Variants in CACNA1E observed in about 807,000 individuals in gnomAD.
The protein encoded by CACNA1E is calcium voltage-gated channel subunit alpha1 E, also known as voltage-dependent R-type calcium channel subunit alpha-1E.
A neutral mutation model predicts 259.2 loss-of-function variants in CACNA1E; 40 were observed. The observed-to-expected ratio is 0.15, with a 90% CI of 0.12 to 0.20. The LOEUF (loss-of-function observed/expected upper bound fraction) is 0.20, where lower values mean the gene tolerates loss of function less well. CACNA1E is among the 10% of genes least tolerant of loss of function. CACNA1E has a pLI of 1.00. For synonymous variants in CACNA1E, 1,104 were observed against 1,138.5 expected, an observed-to-expected ratio of 0.97 and a Z score of 0.61; for missense variants, 1,874 against 3,040.1, an observed-to-expected ratio of 0.62 and a Z score of 9.02.
At chr1:181,435,318 T>G (rs190977788) in intron 2 of CACNA1E, among the ~76,000 whole-genome samples, 1 of 152,350 alleles carries the variant, frequency 6.6e-6, no homozygotes, top group Admixed American at 6.5e-5. Flanking sequence ...GAGAATTTCC[T>G]TAGGATAAAT....
intron 1 of CACNA1E, among the ~76,000 whole-genome samples, chr1:181,365,630 T>G: frequency 6.6e-6 from 1 of 152,210 alleles, no homozygotes; most frequent in Non-Finnish European, 1.5e-5. Context: ...AGTGGCTGCC[T>G]TAGACACTGT....
intron 3 of CACNA1E, among the ~76,000 whole-genome samples, chr1:181,534,357 G>A (rs1259707957): frequency 6.6e-6 from 1 of 152,072 alleles, no homozygotes; most frequent in East Asian, 1.9e-4. Flanking sequence ...CTAGCAATAA[G>A]CTTATTTTTG....
chr1:181,572,398 C>T (rs2102943041), intron 3 of CACNA1E, among the ~76,000 whole-genome samples: 1 of 152,268 alleles, frequency 6.6e-6, no homozygotes, highest in East Asian at 1.9e-4. Context: ...TTTGCTGACA[C>T]CTAAAAGTAA....
intron 1 of CACNA1E, among the ~76,000 whole-genome samples, chr1:181,387,302 C>T (rs990659862): frequency 3.3e-5 from 5 of 152,184 alleles, no homozygotes; most frequent in Admixed American, 6.5e-5. Flanking sequence ...TGACAGCGAG[C>T]TTGCTTTCCA....
intron 2 of CACNA1E, among the ~76,000 whole-genome samples, chr1:181,471,838 A>G (rs1662531473): frequency 6.6e-6 from 1 of 152,182 alleles, no homozygotes; most frequent in African/African-American, 2.4e-5. Flanking sequence ...TGTGTTTACA[A>G]AGAATTTTCA....
intron 7 of CACNA1E, among the ~76,000 whole-genome samples, chr1:181,660,108 T>C (rs1484317887): frequency 2.0e-5 from 3 of 152,228 alleles, no homozygotes; most frequent in Admixed American, 6.5e-5. Context: ...AGACCCACTG[T>C]CAAGGTCCTG....
At chr1:181,626,937 T>C (rs1001272626) in intron 6 of CACNA1E, among the ~76,000 whole-genome samples, 1 of 152,222 alleles carries the variant, frequency 6.6e-6, no homozygotes, top group Non-Finnish European at 1.5e-5. Context: ...AGGACTTCCA[T>C]ACTACACAAA....
chr1:181,327,913 G>A (rs1434279620), intron 1 of CACNA1E, among the ~76,000 whole-genome samples: 3 of 152,198 alleles, frequency 2.0e-5, no homozygotes, highest in African/African-American at 7.2e-5. Flanking sequence ...GAGTTGGATG[G>A]TCTGGTTTGG....
intron 7 of CACNA1E, among the ~76,000 whole-genome samples, chr1:181,661,613 C>T (rs1647689133): frequency 6.6e-6 from 1 of 152,164 alleles, no homozygotes; most frequent in African/African-American, 2.4e-5. Context: ...CACTTCATGA[C>T]TTTTGGCCAG....
intron 6 of CACNA1E, among the ~76,000 whole-genome samples, chr1:181,650,405 G>GT (rs940573696): frequency 1.3e-5 from 2 of 152,180 alleles, no homozygotes; most frequent in African/African-American, 4.8e-5. Context: ...AGAGAGTGGA[G>GT]TGGGGGTCGA....
In CACNA1E at chr1:181,345,219, C is replaced by T. The variant is rs138638064; in HGVS notation, c.-15+27096C>T. 1.2e-3 allele frequency among the ~76,000 whole-genome samples: 177 copies of T among 152,350 alleles called. 1 individual carries two copies. The highest frequency in any genetic ancestry group is 4.1e-3 in the African/African-American group (172 of 41,594). On this transcript the variant is annotated intron_variant, in intron 1 of 11. Coordinates refer to the CACNA1E transcript ENST00000524607. Reference sequence around the variant, plus strand: ...GGAGAAGCAGCTTTGCAGGGTGAGCCGTCATCGGCTGTGCTGATTGATGCT... The same window carrying T: ...GGAGAAGCAGCTTTGCAGGGTGAGCTGTCATCGGCTGTGCTGATTGATGCT...
At chr1:181,639,627 A>T (rs1657570484) in intron 6 of CACNA1E, among the ~76,000 whole-genome samples, 1 of 152,196 alleles carries the variant, frequency 6.6e-6, no homozygotes, top group South Asian at 2.1e-4. Context: ...AATGAACGGC[A>T]GAGAGAGCTA....
intron 1 of CACNA1E, among the ~76,000 whole-genome samples, chr1:181,390,399 T>C (rs1227302618): frequency 1.3e-5 from 2 of 152,120 alleles, no homozygotes; most frequent in Non-Finnish European, 2.9e-5. Context: ...GGTGTTGTTT[T>C]TGTTGCTTGG....
intron 1 of CACNA1E, among the ~76,000 whole-genome samples, chr1:181,336,796 ATC>A (rs925554535): frequency 2.8e-4 from 43 of 152,112 alleles, no homozygotes; most frequent in African/African-American, 9.9e-4. Flanking sequence ...TACTCTGGGT[ATC>A]TCATATAAGT....
rs769190799 is a variant in CACNA1E, at chr1:181,757,968, A to G, written c.4351A>G (p.Ile1451Val). 13 of 1,613,924 alleles carry G rather than the reference A, an allele frequency of 8.1e-6. No individual in the cohort carries two copies. Among genetic ancestry groups the G allele is most frequent in the Admixed American group, 3.3e-5 (2 of 60,008 alleles). ...KNERACIDFA[I>V]SAKPLTRYMP... ...GCAGAGGGCGTGCATCGACTTCGCC[A>G]TCAGCGCCAAACCTCTCACCCGCTA... Residue 1451 changes from isoleucine (I) to valine (V), a missense_variant, in exon 31 of 48, where the codon ATC becomes GTC. Coordinates refer to ENST00000367573, the MANE Select transcript of CACNA1E (RefSeq NM_001205293.3).
chr1:181,588,636 G>A (rs114373360), intron 6 of CACNA1E, among the ~76,000 whole-genome samples: 37 of 152,274 alleles, frequency 2.4e-4, no homozygotes, highest in African/African-American at 8.9e-4. Context: ...TTCACACCAC[G>A]AACCAGGCCA....
intron 6 of CACNA1E, among the ~76,000 whole-genome samples, chr1:181,630,789 T>C (rs1656655628): frequency 6.6e-6 from 1 of 152,114 alleles, no homozygotes; most frequent in Admixed American, 6.5e-5. Context: ...GCTTGAATGG[T>C]CCTACAAGAC....
intron 2 of CACNA1E, among the ~76,000 whole-genome samples, chr1:181,420,369 G>T (rs1439218174): frequency 6.6e-6 from 1 of 152,164 alleles, no homozygotes; most frequent in East Asian, 1.9e-4. Context: ...CACTTTTCAG[G>T]TGATGAGGAC....
intron 6 of CACNA1E, among the ~76,000 whole-genome samples, chr1:181,646,456 T>C (rs1173971663): frequency 6.6e-6 from 1 of 152,134 alleles, no homozygotes; most frequent in African/African-American, 2.4e-5. Flanking sequence ...GGAGCAGGTG[T>C]TCCCCAGAGA....
Sources: gnomAD v4.1 joint callset for allele counts (sites outside exome capture counted in the v4.1 genomes callset) on GRCh38, gnomAD v4.1.1 for gene constraint, MANE v1.5 for transcripts, NCBI Gene and HGNC (gene_info 2026-07-23, HGNC 2026-07-21) for gene names.